Variants in RAI14 observed in about 807,000 individuals in gnomAD.
RAI14 encodes ankycorbin.
A neutral mutation model predicts 115.4 loss-of-function variants in RAI14; 45 were observed. The observed-to-expected ratio is 0.39, with a 90% CI of 0.31 to 0.50. RAI14 has a LOEUF of 0.50. RAI14 is among the 20% of genes least tolerant of loss of function. The pLI is 0.85. For missense variants in RAI14, 939 were observed against 1,131.2 expected (o/e 0.83, Z 2.44); for synonymous variants, 371 against 415.4 (o/e 0.89, Z 1.30).
In RAI14 at chr5:34,823,151, A is replaced by T; in HGVS notation, c.1309A>T (p.Ile437Phe). Residue 437 changes from isoleucine (I) to phenylalanine (F), a missense_variant, in exon 15 of 18, where the codon ATT (isoleucine) becomes TTT (phenylalanine). Ile to Phe is a conservative substitution (Grantham distance 21, BLOSUM62 0). Coordinates refer to ENST00000265109, the MANE Select transcript of RAI14 (RefSeq NM_015577.3). The surrounding 1 kb of genome is among the most constrained non-coding windows in gnomAD (Gnocchi z 4.5). ...NDVRIQQLQE[I>F]LQDLQKRLES... ...TGTCAGAATTCAGCAACTGCAAGAG[A>T]TTTTGCAAGATCTACAGAAGAGATT... 1 of 1,613,088 alleles carries T rather than the reference A, an allele frequency of 6.2e-7. No homozygotes were observed. Among genetic ancestry groups the T allele is most frequent in the Admixed American group, 1.7e-5 (1 of 60,010 alleles).
At chr5:34,807,898 A>C (rs768966362) in intron 6 of RAI14, 41 bp downstream of exon 6, 9 of 1,497,716 alleles carry the variant, frequency 6.0e-6, no homozygotes, top group Non-Finnish European at 8.4e-6. Context: ...TGCCATTAGA[A>C]ACACCAACTT....
intron 4 of RAI14, among the ~76,000 whole-genome samples, chr5:34,798,200 G>A (rs1042057243): frequency 2.0e-5 from 3 of 152,006 alleles, no homozygotes; most frequent in Admixed American, 6.5e-5. Flanking sequence ...CACCACGCCC[G>A]GCTAATTTTT....
chr5:34,752,686 C>G (rs1747194264), intron 2 of RAI14, among the ~76,000 whole-genome samples: 1 of 133,306 alleles, frequency 7.5e-6, no homozygotes, highest in Admixed American at 7.7e-5. Flanking sequence ...TAAGAAATAT[C>G]TATATTTCTT....
At chr5:34,728,395 T>C (rs1291570876) in intron 2 of RAI14, 1 of 152,188 alleles carries the variant, frequency 6.6e-6, no homozygotes, top group Non-Finnish European at 1.5e-5. Context: ...TTGCTATGGT[T>C]TGGCTTTGTG....
intron 2 of RAI14, among the ~76,000 whole-genome samples, chr5:34,690,016 C>T (rs953927607): frequency 1.3e-5 from 2 of 152,154 alleles, no homozygotes; most frequent in African/African-American, 4.8e-5. Flanking sequence ...AAAGTTTACA[C>T]GGTCTGGAGG....
chr5:34,777,903 T>A (rs1327507948), intron 3 of RAI14, among the ~76,000 whole-genome samples: 1 of 151,852 alleles, frequency 6.6e-6, no homozygotes, highest in African/African-American at 2.4e-5. Flanking sequence ...AGTAGAAACA[T>A]AGTTAGAGCT....
At chr5:34,676,407 C>T (rs955211390) in intron 1 of RAI14, among the ~76,000 whole-genome samples, 1 of 152,160 alleles carries the variant, frequency 6.6e-6, no homozygotes, top group Non-Finnish European at 1.5e-5. Context: ...AAAATAACCT[C>T]GATTTAAGGG....
intron 2 of RAI14, among the ~76,000 whole-genome samples, chr5:34,716,410 A>G (rs1201951628): frequency 6.6e-6 from 1 of 151,066 alleles, no homozygotes; most frequent in African/African-American, 2.4e-5. Context: ...GTTTTGGGTT[A>G]ATTTTTTTTT....
chr5:34,784,075 C>T (rs1751998204), intron 3 of RAI14, among the ~76,000 whole-genome samples: 1 of 152,230 alleles, frequency 6.6e-6, no homozygotes. Context: ...ATGCGGAATG[C>T]ACCATTTGGC....
intron 3 of RAI14, among the ~76,000 whole-genome samples, chr5:34,777,099 G>A (rs970249797): frequency 6.6e-6 from 1 of 151,952 alleles, no homozygotes; most frequent in African/African-American, 2.4e-5. Flanking sequence ...CCAGGAGGCA[G>A]AAGTTGCCAT....
At chr5:34,747,954 A>G (rs936193139) in intron 2 of RAI14, among the ~76,000 whole-genome samples, 1 of 152,184 alleles carries the variant, frequency 6.6e-6, no homozygotes, top group Admixed American at 6.5e-5. Context: ...TTTAATTACA[A>G]CCATGCCAAG....
intron 2 of RAI14, among the ~76,000 whole-genome samples, chr5:34,721,779 A>G (rs533963149): frequency 6.6e-6 from 1 of 152,084 alleles, no homozygotes; most frequent in South Asian, 2.1e-4. Flanking sequence ...GATGGAATCT[A>G]TGCTCACTGC....
At chr5:34,709,908 C>G (rs1741180104) in intron 2 of RAI14, among the ~76,000 whole-genome samples, 1 of 152,196 alleles carries the variant, frequency 6.6e-6, no homozygotes, top group Non-Finnish European at 1.5e-5. Context: ...TGTGGAAAAA[C>G]TTGTTTTCAA....
intron 16 of RAI14, among the ~76,000 whole-genome samples, chr5:34,826,831 G>A (rs1757503038): frequency 6.6e-6 from 1 of 152,102 alleles, no homozygotes; most frequent in South Asian, 2.1e-4. Flanking sequence ...TTTCTTGTTA[G>A]GGGCCAGGAT....
At chr5:34,763,056 A>G (rs1748892150) in intron 3 of RAI14, among the ~76,000 whole-genome samples, 1 of 151,914 alleles carries the variant, frequency 6.6e-6, no homozygotes, top group African/African-American at 2.4e-5. Flanking sequence ...TTGTGAGAGT[A>G]TTTTTAGATG....
At chr5:34,829,406 T>C in intron 16 of RAI14, among the ~76,000 whole-genome samples, 1 of 152,152 alleles carries the variant, frequency 6.6e-6, no homozygotes, top group Non-Finnish European at 1.5e-5. Flanking sequence ...CAGGCTGGTC[T>C]CAAACTCCTG....
chr5:34,757,521 A>G lies in RAI14; in HGVS notation c.90A>G (p.Gly30=). 6.2e-7 allele frequency: 1 copy of G among 1,613,906 alleles called. No homozygotes were observed. The highest frequency in any genetic ancestry group is 1.1e-5 in the South Asian group (1 of 91,078). The change falls in exon 3 of 18, where the codon GGA becomes GGG. Residue 30 remains glycine, a synonymous_variant. Transcript: ENST00000265109. The part of the protein sequence containing the change: ...DDRLLQAVEN[G]DAEKVASLLG... ...GGCTACTGCAGGCCGTGGAGAATGG[A>G]GATGCGGAGAAGGTGGCCTCACTGC...
chr5:34,816,152 A>C (rs1756197152), intron 12 of RAI14, among the ~76,000 whole-genome samples: 1 of 152,210 alleles, frequency 6.6e-6, no homozygotes, highest in Non-Finnish European at 1.5e-5. Context: ...AGATAGTAGT[A>C]ATTTACCAAT....
intron 1 of RAI14, among the ~76,000 whole-genome samples, chr5:34,661,710 A>G (rs1742698350): frequency 1.1e-4 from 16 of 152,204 alleles, no homozygotes; most frequent in Admixed American, 1.0e-3. Context: ...CTTTTGTGAT[A>G]ACCTGGTTTC....
Sources: gnomAD v4.1 joint callset for allele counts (sites outside exome capture counted in the v4.1 genomes callset) on GRCh38, gnomAD v4.1.1 for gene constraint, Gnocchi (gnomAD v3.1) non-coding constraint, MANE v1.5 for transcripts, NCBI Gene and HGNC (gene_info 2026-07-23, HGNC 2026-07-21) for gene names.